TCF20: variants seen among roughly 807,000 people sequenced by gnomAD.
The protein encoded by TCF20 is SPRE-binding protein.
Under a neutral mutation model 148.6 loss-of-function variants are expected in TCF20, and 3 were observed. The observed-to-expected ratio is 0.02, with a 90% CI of 0.01 to 0.05. The LOEUF is 0.05. TCF20 is among the 10% of genes least tolerant of loss of function. The pLI is 1.00. For synonymous variants in TCF20, 1,049 were observed against 909.5 expected, an observed-to-expected ratio of 1.15 and a Z score of -2.76; for missense variants, 2,350 against 2,429.3, an observed-to-expected ratio of 0.97 and a Z score of 0.69.
intron 1 of TCF20, among the ~76,000 whole-genome samples, chr22:42,262,160 T>C (rs888984675): frequency 4.6e-5 from 7 of 152,184 alleles, no homozygotes; most frequent in Non-Finnish European, 5.9e-5. Context: ...ATCTAAGTGC[T>C]ATGGAAAACC....
chr22:42,253,736 AATTT>A (rs1387192374), intron 1 of TCF20, among the ~76,000 whole-genome samples: 7 of 152,186 alleles, frequency 4.6e-5, no homozygotes. Flanking sequence ...ACAAGTAATA[AATTT>A]ATTAATTCAG....
In TCF20 at chr22:42,212,290, G is replaced by A. The variant is rs201016868; in HGVS notation, c.3016C>T (p.Pro1006Ser). 9 of 1,614,180 alleles carry A rather than the reference G, an allele frequency of 5.6e-6. No homozygotes were observed. The highest frequency in any genetic ancestry group is 7.6e-6 in the Non-Finnish European group (9 of 1,180,030). The change falls in exon 2 of 6, where the codon CCT becomes TCT. Residue 1006 changes from proline (P) to serine (S), a missense_variant. By Grantham distance (74) the Pro-to-Ser change is moderately conservative (BLOSUM62 -1). Transcript: ENST00000677622. ...TCTGCAAAGTCATGATATTGAGAAGGGGACCGACCCCTCATGCCCTCCCGA... is the reference window on the plus strand; with the variant it reads ...TCTGCAAAGTCATGATATTGAGAAGAGGACCGACCCCTCATGCCCTCCCGA... ...GGREGMRGRS[P>S]SQYHDFAEKL...
intron 2 of TCF20, among the ~76,000 whole-genome samples, chr22:42,189,809 T>G (rs1195922663): frequency 1.3e-5 from 2 of 152,254 alleles, no homozygotes; most frequent in African/African-American, 4.8e-5. Flanking sequence ...AATTCCTCTG[T>G]GTACCTTCCT....
At chr22:42,298,952 G>A (rs908292920) in intron 1 of TCF20, among the ~76,000 whole-genome samples, 18 of 152,196 alleles carry the variant, frequency 1.2e-4, no homozygotes, top group African/African-American at 1.9e-4. Flanking sequence ...GGGAGGGGCC[G>A]GGCACCACGG....
At chr22:42,335,879 C>T (rs1445093779) in intron 1 of TCF20, among the ~76,000 whole-genome samples, 1 of 152,174 alleles carries the variant, frequency 6.6e-6, no homozygotes, top group Non-Finnish European at 1.5e-5. Context: ...ACGAGCCTGG[C>T]CCCTAGCCCA....
At chr22:42,242,779 C>A (rs975950065) in intron 1 of TCF20, among the ~76,000 whole-genome samples, 1 of 151,832 alleles carries the variant, frequency 6.6e-6, no homozygotes, top group African/African-American at 2.4e-5. Context: ...CCCAGCTACA[C>A]GGGAGACTGA....
chr22:42,176,377 A>C (rs200323264), intron 3 of TCF20, among the ~76,000 whole-genome samples: 2 of 80,466 alleles, frequency 2.5e-5, no homozygotes, highest in Non-Finnish European at 5.9e-5. Context: ...CGCTGGAAGG[A>C]AGGGGGGGGC....
intron 1 of TCF20, among the ~76,000 whole-genome samples, chr22:42,224,534 CA>C (rs66858906): frequency 0.028 from 1,108 of 39,474 alleles, 2 homozygotes; most frequent in African/African-American, 0.045. Flanking sequence ...AAAGCTGGTA[CA>C]AAAAAAAAAA....
upstream of TCF20, among the ~76,000 whole-genome samples, chr22:42,285,434 C>T (rs1927010455): frequency 6.6e-6 from 1 of 151,930 alleles, no homozygotes. This position sits in a 1 kb window ranked among gnomAD's most constrained non-coding sequence, Gnocchi z 4.2. Context: ...GGACCCCCTC[C>T]GAGCAGCGCA....
chr22:42,227,675 C>T (rs1237933405), intron 1 of TCF20, among the ~76,000 whole-genome samples: 1 of 152,186 alleles, frequency 6.6e-6, no homozygotes, highest in Non-Finnish European at 1.5e-5. Context: ...GAATAGTTCC[C>T]TTTTCTCTTC....
chr22:42,175,516 A>G (rs1316856139), intron 3 of TCF20, among the ~76,000 whole-genome samples: 4 of 151,762 alleles, frequency 2.6e-5, no homozygotes, highest in Non-Finnish European at 4.4e-5. Context: ...AATTTTTCAT[A>G]TTTTAGTAGT....
upstream of TCF20, among the ~76,000 whole-genome samples, chr22:42,288,715 CAAAAAAAA>C (rs60058670): frequency 1.3e-4 from 11 of 85,304 alleles, no homozygotes; most frequent in African/African-American, 4.4e-4. Flanking sequence ...GACCCTGTAT[CAAAAAAAA>C]AAAAAAAAAA....
chr22:42,200,610 C>G (rs1288537985), intron 2 of TCF20, among the ~76,000 whole-genome samples: 1 of 144,414 alleles, frequency 6.9e-6, no homozygotes, highest in East Asian at 2.0e-4. Context: ...CCACTGCACT[C>G]CAGCATGGGT....
At chr22:42,260,348 A>G (rs1925962867) in intron 1 of TCF20, among the ~76,000 whole-genome samples, 1 of 152,224 alleles carries the variant, frequency 6.6e-6, no homozygotes, top group Non-Finnish European at 1.5e-5. Flanking sequence ...ATGAAAGACC[A>G]CTGGAGCATT....
upstream of TCF20, among the ~76,000 whole-genome samples, chr22:42,287,174 G>A (rs144870313): frequency 3.5e-3 from 526 of 152,264 alleles, 1 homozygote; most frequent in Middle Eastern, 0.027. Flanking sequence ...GGGTAGAGAG[G>A]ACATGTTGCC....
chr22:42,243,401 G>C (rs1484416456), intron 1 of TCF20, among the ~76,000 whole-genome samples: 4 of 146,024 alleles, frequency 2.7e-5, no homozygotes, highest in Non-Finnish European at 4.5e-5. Flanking sequence ...TCAGAAATTT[G>C]AGACCAGCCT....
At chr22:42,324,425 CAGAAAATAATCTCCACCATCTG>C (rs1171037495) in intron 1 of TCF20, among the ~76,000 whole-genome samples, 15 of 151,860 alleles carry the variant, frequency 9.9e-5, no homozygotes, top group African/African-American at 3.6e-4. Flanking sequence ...TCCACCATTC[CAGAAAATAATCTCCACCATCTG>C]AGAAAATAAT....
Position 42,211,010 on chromosome 22 carries a change from C to T in TCF20, c.4296G>A (p.Arg1432=), listed in dbSNP as rs757417871. The part of the protein sequence containing the change: ...QELHVEKPLP[R]SSEEWRGSVD... ...CGCTGCCACGCCACTCTTCTGAAGA[C>T]CTTGGAAGAGGTTTCTCTACGTGCA... Residue 1432 remains arginine (R), a synonymous_variant, in exon 2 of 6, where the codon AGG becomes AGA. Coordinates refer to ENST00000677622, the MANE Select transcript of TCF20 (RefSeq NM_001378418.1). The T allele has an allele frequency of 1.9e-6, 3 of 1,614,132 alleles. No homozygotes were observed. The highest frequency in any genetic ancestry group is 1.7e-6 in the Non-Finnish European group (2 of 1,180,014).
At chr22:42,263,407 T>C (rs1458678776) in intron 1 of TCF20, among the ~76,000 whole-genome samples, 26 of 152,212 alleles carry the variant, frequency 1.7e-4, no homozygotes, top group Admixed American at 1.7e-3. Context: ...CTCAAAGTAG[T>C]GCTTCATCCT....
Sources: allele counts gnomAD v4.1 joint callset (sites outside exome capture counted in the v4.1 genomes callset), GRCh38; gene constraint gnomAD v4.1.1; non-coding constraint Gnocchi (gnomAD v3.1); transcripts MANE v1.5; gene names NCBI Gene and HGNC (gene_info 2026-07-23, HGNC 2026-07-21).